Variants in SLC2A13 observed in about 807,000 individuals in gnomAD.
SLC2A13 encodes solute carrier family 2 member 13, also known as proton myo-inositol cotransporter.
In SLC2A13, 32 loss-of-function variants were observed where a neutral mutation model predicts 64.4. That is an observed-to-expected ratio of 0.50 (90% confidence interval 0.37 to 0.67). SLC2A13 has a LOEUF of 0.67. Ranked by LOEUF, SLC2A13 falls within the 30% of genes least tolerant of loss-of-function variation. The pLI, the probability that SLC2A13 is intolerant of heterozygous loss-of-function variation, is 0.00. For synonymous variants in SLC2A13, 338 were observed against 327.1 expected, an observed-to-expected ratio of 1.03 and a Z score of -0.36; for missense variants, 743 against 829.2, an observed-to-expected ratio of 0.90 and a Z score of 1.28.
chr12:39,776,729 C>A (rs10083196), intron 7 of SLC2A13, among the ~76,000 whole-genome samples: 147,957 of 152,220 alleles, frequency 0.97, 71,909 homozygotes, highest in East Asian at 1. Flanking sequence ...GGAGTTGAGA[C>A]ATTTTTCTTT....
intron 4 of SLC2A13, among the ~76,000 whole-genome samples, chr12:39,930,016 A>G (rs1427165686): frequency 2.0e-5 from 3 of 151,880 alleles, no homozygotes; most frequent in Non-Finnish European, 2.9e-5. Flanking sequence ...CTGTAATCCC[A>G]GGTACTCAGG....
intron 7 of SLC2A13, among the ~76,000 whole-genome samples, chr12:39,807,150 C>T (rs1942004426): frequency 6.6e-6 from 1 of 152,120 alleles, no homozygotes; most frequent in Admixed American, 6.5e-5. Context: ...ATTGCAAAAA[C>T]CTCGATAACT....
intron 4 of SLC2A13, among the ~76,000 whole-genome samples, chr12:39,905,488 C>T (rs1267503815): frequency 6.6e-6 from 1 of 152,132 alleles, no homozygotes; most frequent in Non-Finnish European, 1.5e-5. Context: ...AGAGTTGCTT[C>T]ATTTTGTGGC....
intron 1 of SLC2A13, among the ~76,000 whole-genome samples, chr12:40,080,029 T>C (rs1167123559): frequency 6.6e-6 from 1 of 152,036 alleles, no homozygotes; most frequent in East Asian, 1.9e-4. Context: ...CCTCGCTAAT[T>C]TTTTGCATTC....
intron 4 of SLC2A13, among the ~76,000 whole-genome samples, chr12:39,909,257 C>A (rs1945367721): frequency 6.6e-6 from 1 of 151,950 alleles, no homozygotes; most frequent in African/African-American, 2.4e-5. Flanking sequence ...TTTTATAAGT[C>A]ATTTCTTATT....
intron 4 of SLC2A13, among the ~76,000 whole-genome samples, chr12:39,893,874 A>G (rs1180049063): frequency 3.3e-5 from 5 of 152,218 alleles, no homozygotes; most frequent in African/African-American, 1.2e-4. Flanking sequence ...TTGAATTCAC[A>G]ATCCATATGA....
intron 7 of SLC2A13, among the ~76,000 whole-genome samples, chr12:39,818,761 T>C (rs1285650661): frequency 2.0e-5 from 3 of 152,178 alleles, no homozygotes; most frequent in East Asian, 3.8e-4. Context: ...TGTAGATGTT[T>C]CATATACCAA....
intron 4 of SLC2A13, among the ~76,000 whole-genome samples, chr12:39,894,079 A>G (rs1238652903): frequency 3.3e-5 from 5 of 152,210 alleles, no homozygotes; most frequent in Non-Finnish European, 7.3e-5. Flanking sequence ...ATTTTAATAA[A>G]TGTTTTTGCA....
chr12:40,014,654 G>A (rs1039662725), intron 3 of SLC2A13, among the ~76,000 whole-genome samples: 3 of 152,030 alleles, frequency 2.0e-5, no homozygotes, highest in African/African-American at 7.2e-5. Flanking sequence ...ACCATGCCCA[G>A]CTGATTTTTT....
chr12:39,770,444 T>A (rs1940521150), intron 7 of SLC2A13, among the ~76,000 whole-genome samples: 1 of 152,138 alleles, frequency 6.6e-6, no homozygotes, highest in Non-Finnish European at 1.5e-5. Context: ...ATTCAAAAGC[T>A]TATATAATGA....
chr12:39,809,622 C>T (rs947735824), intron 7 of SLC2A13, among the ~76,000 whole-genome samples: 13 of 152,134 alleles, frequency 8.5e-5, no homozygotes, highest in African/African-American at 2.4e-4. Flanking sequence ...CGTCATTTAG[C>T]ATCAGGTATA....
chr12:39,756,321 T>C lies in SLC2A13; in HGVS notation c.*3705A>G, dbSNP rs747004848. The C allele has an allele frequency of 1.3e-5, 2 of 152,074 alleles. No homozygotes were observed. Among genetic ancestry groups the C allele is most frequent in the Non-Finnish European group, 1.5e-5 (1 of 67,772 alleles). 9.4% of individuals were successfully genotyped at this position (152,074 alleles called of 1,614,324 possible). On this transcript the variant is annotated 3_prime_UTR_variant, in exon 10 of 10. Coordinates refer to ENST00000280871, the MANE Select transcript of SLC2A13 (RefSeq NM_052885.4). ...ATCATCTATTTCTTTTACTCATAGATACTGAAAAGGTCTTAATTTGGTAAT... is the reference window on the plus strand; with the variant it reads ...ATCATCTATTTCTTTTACTCATAGACACTGAAAAGGTCTTAATTTGGTAAT...
Position 39,844,279 on chromosome 12 carries a change from TAGAC to T in SLC2A13, c.1320-14055_1320-14052del, listed in dbSNP as rs1479999888. 7.2e-5 allele frequency among the ~76,000 whole-genome samples: 11 copies of T among 152,202 alleles called. No homozygotes were observed. In the East Asian group the frequency reaches 1.2e-3, roughly 16 times the overall value. On this transcript the variant is annotated intron_variant, in intron 6 of 9. Coordinates refer to ENST00000280871, the MANE Select transcript of SLC2A13 (RefSeq NM_052885.4). ...TAAAAATTTCAAGGCATAGGGTAGA[TAGAC>T]AGTCCTTTAACTTCACAGTTTAGGG...
At chr12:39,923,254 C>T (rs979333721) in intron 4 of SLC2A13, among the ~76,000 whole-genome samples, 9 of 151,962 alleles carry the variant, frequency 5.9e-5, no homozygotes, top group Non-Finnish European at 1.0e-4. Flanking sequence ...GGAAACAACA[C>T]AAGTGTCCAA....
At chr12:39,810,198 A>T (rs564207291) in intron 7 of SLC2A13, among the ~76,000 whole-genome samples, 38 of 152,254 alleles carry the variant, frequency 2.5e-4, no homozygotes, top group Middle Eastern at 3.4e-3. Flanking sequence ...ACTTAGTTAG[A>T]TCTTCTTTAA....
intron 6 of SLC2A13, among the ~76,000 whole-genome samples, chr12:39,863,479 G>A (rs529385888): frequency 3.9e-5 from 6 of 152,096 alleles, no homozygotes; most frequent in African/African-American, 1.4e-4. Flanking sequence ...CATTAGATCT[G>A]GAGAATATTC....
At chr12:40,021,373 AT>A (rs1191855538) in intron 3 of SLC2A13, among the ~76,000 whole-genome samples, 2 of 152,232 alleles carry the variant, frequency 1.3e-5, no homozygotes, top group African/African-American at 4.8e-5. Flanking sequence ...TTAAAGCCAT[AT>A]TGAATGAAAT....
intron 7 of SLC2A13, among the ~76,000 whole-genome samples, chr12:39,784,043 G>T (rs1322028490): frequency 2.6e-5 from 4 of 152,148 alleles, no homozygotes; most frequent in Non-Finnish European, 5.9e-5. Context: ...TCTTCAAGGA[G>T]AACTACAAAC....
chr12:39,798,774 T>C (rs996216904), intron 7 of SLC2A13, among the ~76,000 whole-genome samples: 1 of 152,162 alleles, frequency 6.6e-6, no homozygotes, highest in African/African-American at 2.4e-5. Context: ...TTACATTCCT[T>C]TAGTACTAAA....
Sources: allele counts gnomAD v4.1 joint callset (sites outside exome capture counted in the v4.1 genomes callset), GRCh38; gene constraint gnomAD v4.1.1; transcripts MANE v1.5; gene names NCBI Gene and HGNC (gene_info 2026-07-23, HGNC 2026-07-21).